The following ICE1 variants were observed in gnomAD, a reference collection of about 807,000 sequenced individuals.
The protein encoded by ICE1 is interactor of little elongation complex ELL subunit 1, also known as little elongation complex subunit 1.
In ICE1, 64 loss-of-function variants were observed where a neutral mutation model predicts 192.7. That is an observed-to-expected ratio of 0.33 (90% confidence interval 0.27 to 0.41). ICE1 has a LOEUF of 0.41. Ranked by LOEUF, ICE1 falls within the 10% of genes least tolerant of loss-of-function variation. The pLI, the probability that ICE1 is intolerant of heterozygous loss-of-function variation, is 1.00. For missense variants in ICE1, 2,708 were observed against 2,696.0 expected (o/e 1.00, Z -0.10); for synonymous variants, 1,010 against 984.5 (o/e 1.03, Z -0.49).
At chr5:5,489,023 A>G (rs1450522503) in intron 18 of ICE1, 126 bp from the exon 19 acceptor site, 2 of 801,352 alleles carry the variant, frequency 2.5e-6, no homozygotes, top group African/African-American at 3.5e-5. Context: ...GGGTTTTTTT[A>G]TATTTAATTT....
intron 3 of ICE1, chr5:5,437,380 C>T (rs1162729228): frequency 2.9e-6 from 1 of 344,022 alleles, no homozygotes; most frequent in Non-Finnish European, 5.3e-6. Context: ...GTGGGTTTCT[C>T]TTAATTTGTA....
Position 5,466,316 on chromosome 5 carries a change from AT to A in ICE1, c.5893-9del, listed in dbSNP as rs771285058. 128 of 1,562,356 alleles carry A rather than the reference AT, an allele frequency of 8.2e-5. No homozygotes were observed. The highest frequency in any genetic ancestry group is 2.9e-4 in the Admixed American group (15 of 51,590). ...AGTATGAGTGTACATTGCCTTTTTA[AT>A]TTTTTTTTCAATCCAGCATTTAGCA... is the stretch of plus-strand genomic sequence containing the variant. On this transcript the variant is annotated splice_polypyrimidine_tract_variant and intron_variant, in intron 13 of 18. Coordinates refer to ENST00000296564, the MANE Select transcript of ICE1 (RefSeq NM_015325.3).
chr5:5,468,424 GACAAAGAGT>G (rs969583039), intron 14 of ICE1, among the ~76,000 whole-genome samples: 5 of 151,202 alleles, frequency 3.3e-5, no homozygotes, highest in African/African-American at 1.2e-4. Context: ...TTAAAAAAGA[GACAAAGAGT>G]GTAGGAGAAA....
intron 1 of ICE1, among the ~76,000 whole-genome samples, chr5:5,423,983 T>C (rs138685275): frequency 6.6e-6 from 1 of 152,198 alleles, no homozygotes; most frequent in East Asian, 1.9e-4. Context: ...TAGGGAATTT[T>C]TGAGTCAGTA....
Position 5,461,831 on chromosome 5 carries a change from C to T in ICE1, c.2497C>T (p.Pro833Ser), listed in dbSNP as rs1203389966. 2.5e-6 allele frequency: 4 copies of T among 1,614,000 alleles called. No homozygotes were observed. The South Asian group carries it at 4.4e-5, about 18-fold the overall frequency. ...ATTCCTACAAAATAGAGGACCAACACCCAAGCCTGATCTTCTTAGAGAAAA... is the reference window on the plus strand; with the variant it reads ...ATTCCTACAAAATAGAGGACCAACATCCAAGCCTGATCTTCTTAGAGAAAA... ...MPFLQNRGPT[P>S]KPDLLRENNN... Residue 833 changes from proline (P) to serine (S), a missense_variant, in exon 13 of 19, where the codon CCC (proline) becomes TCC (serine). This residue lies in a region of ICE1 where 2,366 missense variants were observed against 2,276.6 expected (regional missense o/e 1.04). Transcript: ENST00000296564.
chr5:5,489,185 C>G lies in ICE1; in HGVS notation c.6656C>G (p.Ala2219Gly). ...GGTATACAGTTAGCAGCCGTGTATG[C>G]TCTTTGTGACTTGAGTCCCAGCAAT... is the stretch of plus-strand genomic sequence containing the variant. Reference protein sequence around the residue: ...PWGIQLAAVYALCDLSPSNPA... With the variant: ...PWGIQLAAVYGLCDLSPSNPA... Residue 2219 changes from alanine (A) to glycine (G), a missense_variant, in exon 19 of 19, where the codon GCT (alanine) becomes GGT (glycine). By Grantham distance (60) the Ala-to-Gly change is moderately conservative. This residue lies in a region of ICE1 where 342 missense variants were observed against 419.3 expected (regional missense o/e 0.82). Transcript: ENST00000296564. The G allele has an allele frequency of 6.2e-7, 1 of 1,613,928 alleles. No homozygotes were observed. The highest frequency in any genetic ancestry group is 8.5e-7 in the Non-Finnish European group (1 of 1,179,882).
Position 5,489,474 on chromosome 5 carries a change from G to C in ICE1, c.*144G>C, listed in dbSNP as rs1012835452. 2 of 696,744 alleles carry C rather than the reference G, an allele frequency of 2.9e-6. No homozygotes were observed. The highest frequency in any genetic ancestry group is 4.5e-6 in the Non-Finnish European group (2 of 445,080). 43.2% of individuals were successfully genotyped at this position (696,744 alleles called of 1,614,324 possible). ...AGACCAGAGGCTCTCCTTATTGTTT[G>C]GCAAGGAGACAGGAGAAACAAGCAG... On this transcript the variant is annotated 3_prime_UTR_variant, in exon 19 of 19. Transcript: ENST00000296564.
At chr5:5,456,714 G>C (rs771492530) in intron 11 of ICE1, among the ~76,000 whole-genome samples, 1 of 152,062 alleles carries the variant, frequency 6.6e-6, no homozygotes, top group Admixed American at 6.5e-5. Flanking sequence ...TATTTTTAAA[G>C]CTGGCAAATA....
chr5:5,468,822 T>C lies in ICE1; in HGVS notation c.6062-6T>C. On this transcript the variant is annotated splice_region_variant and splice_polypyrimidine_tract_variant and intron_variant, in intron 14 of 18. Transcript: ENST00000296564. ...AAGAGTTATTGTATTATTTTATTTC[T>C]GATAGATTTTCCGGAGTCTGAAAAA... The C allele has an allele frequency of 6.5e-7, 1 of 1,542,762 alleles. No homozygotes were observed. Among genetic ancestry groups the C allele is most frequent in the Non-Finnish European group, 8.8e-7 (1 of 1,135,036 alleles).
chr5:5,489,105 C>G, intron 18 of ICE1, 44 bp from the exon 19 acceptor site: 2 of 1,557,098 alleles, frequency 1.3e-6, no homozygotes, highest in Non-Finnish European at 1.8e-6. Context: ...TTTTGAATAA[C>G]AGATATTTTC....
chr5:5,463,743 C>G lies in ICE1; in HGVS notation c.4409C>G (p.Ser1470Cys). 2 of 1,613,916 alleles carry G rather than the reference C, an allele frequency of 1.2e-6. No homozygotes were observed. The highest frequency in any genetic ancestry group is 8.5e-7 in the Non-Finnish European group (1 of 1,179,872). ...GCIPVTSAEK[S>C]PEASHTGPAF... ...ATCCCAGTGACTTCTGCTGAGAAGT[C>G]CCCAGAGGCCAGTCACACTGGCCCT... is the stretch of plus-strand genomic sequence containing the variant. The change falls in exon 13 of 19, where the codon TCC becomes TGC. Residue 1470 changes from serine (S) to cysteine (C), a missense_variant. Ser to Cys is a moderately radical substitution (Grantham distance 112, BLOSUM62 -1). This residue lies in a region of ICE1 where 2,366 missense variants were observed against 2,276.6 expected (regional missense o/e 1.04). Transcript: ENST00000296564.
At position 5,463,640 on chromosome 5, in the gene ICE1, G is replaced by T; in HGVS notation, c.4306G>T (p.Val1436Leu). The T allele has an allele frequency of 6.2e-7, 1 of 1,614,006 alleles. No individual in the cohort carries two copies. Among genetic ancestry groups the T allele is most frequent in the African/African-American group, 1.3e-5 (1 of 75,056 alleles). ...CAGTGGTGTAGCTGTCTTGCCACAT[G>T]TGGACCAGGTCACACTGTGTGACAT... ...IISGVAVLPHVDQVTLCDIPG... is the reference protein window; with the variant it reads ...IISGVAVLPHLDQVTLCDIPG... Residue 1436 changes from valine (V) to leucine (L), a missense_variant, in exon 13 of 19, where the codon GTG (valine) becomes TTG (leucine). Val to Leu is a conservative substitution (Grantham distance 32, BLOSUM62 1). Around this residue, in one of 2 missense-constraint regions of ICE1, gnomAD observed 2,366 missense variants for 2,276.6 expected, o/e 1.04. Transcript: ENST00000296564.
intron 1 of ICE1, among the ~76,000 whole-genome samples, chr5:5,432,084 C>G: frequency 6.6e-6 from 1 of 151,946 alleles, no homozygotes; most frequent in East Asian, 1.9e-4. Flanking sequence ...TTATTGTATA[C>G]AATTCAGTTC....
chr5:5,474,029 T>C (rs570022517), intron 16 of ICE1, among the ~76,000 whole-genome samples: 38 of 152,070 alleles, frequency 2.5e-4, no homozygotes, highest in African/African-American at 8.9e-4. Context: ...GCTAACATGA[T>C]GAAACCCCGT....
intron 3 of ICE1, among the ~76,000 whole-genome samples, chr5:5,439,573 T>C (rs1032654734): frequency 6.6e-6 from 1 of 152,210 alleles, no homozygotes; most frequent in East Asian, 1.9e-4. Flanking sequence ...GATTCCGCTA[T>C]GTAGAGAAAT....
intron 17 of ICE1, 55 bp downstream of exon 17, chr5:5,476,134 G>T: frequency 1.0e-6 from 1 of 990,630 alleles, no homozygotes. Context: ...CTTGGTGGAA[G>T]GCTGGGGGGT....
At position 5,462,064 on chromosome 5, in the gene ICE1, TACAAC is replaced by T. The variant is rs1738808336; in HGVS notation, c.2735_2739del (p.Thr912LysfsTer19). The T allele has an allele frequency of 6.2e-7, 1 of 1,613,820 alleles. No individual in the cohort carries two copies. The highest frequency in any genetic ancestry group is 8.5e-7 in the Non-Finnish European group (1 of 1,179,894). ...CAAAATGTGATGGGGAAAGAGATGATACAACACAAAACATCACGGAGGTGGCTGCT... is the reference window on the plus strand; with the variant it reads ...CAAAATGTGATGGGGAAAGAGATGATACAAAACATCACGGAGGTGGCTGCT... On this transcript the variant is annotated frameshift_variant, in exon 13 of 19. Transcript: ENST00000296564. LOFTEE classifies it high-confidence loss of function.
Position 5,464,363 on chromosome 5 carries a change from G to C in ICE1, c.5029G>C (p.Val1677Leu), listed in dbSNP as rs774648840. 6.2e-7 allele frequency: 1 copy of C among 1,613,774 alleles called. No homozygotes were observed. The highest frequency in any genetic ancestry group is 1.1e-5 in the South Asian group (1 of 91,068). Residue 1677 changes from valine (V) to leucine (L), a missense_variant, in exon 13 of 19, where the codon GTG becomes CTG. Around this residue, in one of 2 missense-constraint regions of ICE1, gnomAD observed 2,366 missense variants for 2,276.6 expected, o/e 1.04. Coordinates refer to ENST00000296564, the MANE Select transcript of ICE1 (RefSeq NM_015325.3). This position sits in a 1 kb window ranked among gnomAD's most constrained non-coding sequence, Gnocchi z 4.0. ...GQVSPFRETP[V>L]PPAMSPWPED... Reference sequence around the variant, plus strand: ...GGTTTCTCCCTTCCGTGAAACCCCAGTGCCTCCTGCCATGTCTCCATGGCC... The same window carrying C: ...GGTTTCTCCCTTCCGTGAAACCCCACTGCCTCCTGCCATGTCTCCATGGCC...
At chr5:5,471,768 T>C (rs1739161901) in intron 15 of ICE1, among the ~76,000 whole-genome samples, 1 of 152,166 alleles carries the variant, frequency 6.6e-6, no homozygotes, top group South Asian at 2.1e-4. Flanking sequence ...GTGTAAATTT[T>C]GAAATTATTT....
Sources: allele counts gnomAD v4.1 joint callset (sites outside exome capture counted in the v4.1 genomes callset), GRCh38; gene constraint gnomAD v4.1.1; regional missense constraint gnomAD v4.1.1; non-coding constraint Gnocchi (gnomAD v3.1); transcripts MANE v1.5; gene names NCBI Gene and HGNC (gene_info 2026-07-23, HGNC 2026-07-21).